GUCY2C: variants seen among roughly 807,000 people sequenced by gnomAD.
GUCY2C encodes the protein guanylyl cyclase C.
A neutral mutation model predicts 131.1 loss-of-function variants in GUCY2C; 118 were observed. The ratio of observed to expected loss-of-function variants is 0.90; its 90% CI spans 0.78 to 1.05. The LOEUF is 1.05. Among genes scored for constraint, GUCY2C ranks in the 50% least tolerant of loss-of-function variants. The pLI, the probability that GUCY2C is intolerant of heterozygous loss-of-function variation, is 0.00. For synonymous variants in GUCY2C, 452 were observed against 457.8 expected, an observed-to-expected ratio of 0.99 and a Z score of 0.16; for missense variants, 1,161 against 1,304.4, an observed-to-expected ratio of 0.89 and a Z score of 1.69.
At chr12:14,614,971 CGGAGTCCAA>C in intron 25 of GUCY2C, 28 bp from the exon 26 acceptor site, 1 of 1,336,474 alleles carries the variant, frequency 7.5e-7, no homozygotes, top group Non-Finnish European at 1.0e-6. Flanking sequence ...TTACGTACCA[CGGAGTCCAA>C]GGAGTCAGTT....
chr12:14,615,815 A>C (rs1382446502), intron 25 of GUCY2C, among the ~76,000 whole-genome samples: 3 of 152,048 alleles, frequency 2.0e-5, no homozygotes, highest in African/African-American at 7.2e-5. Context: ...CTTTTACGTA[A>C]AAGGAGACTT....
At chr12:14,619,828 A>G (rs1172139313) in intron 23 of GUCY2C, 2 of 152,892 alleles carry the variant, frequency 1.3e-5, no homozygotes, top group Admixed American at 1.3e-4. Flanking sequence ...GACCAGGCGA[A>G]TGCAGCTGGA....
At position 14,628,753 on chromosome 12, in the gene GUCY2C, A is replaced by AG. The variant is rs1555158578; in HGVS notation, c.2158-17_2158-16insC. ...GTAGGTACACCTGGAAGAAAAAAAA[A>AG]CGGGCAAATTAGCTAAGGGGATAGT... On this transcript the variant is annotated splice_polypyrimidine_tract_variant and intron_variant, in intron 19 of 26. Coordinates refer to ENST00000261170, the MANE Select transcript of GUCY2C (RefSeq NM_004963.4). 3.7e-6 allele frequency: 5 copies of AG among 1,354,398 alleles called. No individual in the cohort carries two copies. The South Asian group carries it at 5.9e-5, about 16-fold the overall frequency. The allele number at this position is 1,354,398 out of a possible 1,614,324, so 83.9% of individuals were successfully genotyped here. A position where few individuals can be genotyped will look rare whatever the true frequency, so the allele number is the denominator to read the frequency against.
chr12:14,659,431 T>C (rs1378463317), intron 11 of GUCY2C, among the ~76,000 whole-genome samples: 1 of 152,238 alleles, frequency 6.6e-6, no homozygotes, highest in Admixed American at 6.5e-5. Context: ...TGATATTCTT[T>C]TCTATTGACC....
At chr12:14,674,860 G>A (rs1214818502) in intron 7 of GUCY2C, 100 bp from the exon 8 acceptor site, 2 of 873,246 alleles carry the variant, frequency 2.3e-6, no homozygotes, top group Non-Finnish European at 3.6e-6. Context: ...TTACTGGAAA[G>A]TTAAAGGGAT....
chr12:14,668,057 G>C (rs2137065329), intron 10 of GUCY2C, among the ~76,000 whole-genome samples: 1 of 138,218 alleles, frequency 7.2e-6, no homozygotes, highest in African/African-American at 2.7e-5. Context: ...AGGCTGGAGT[G>C]CAGTGGCACA....
At chr12:14,669,198 T>A (rs748839634) in intron 10 of GUCY2C, among the ~76,000 whole-genome samples, 11 of 149,748 alleles carry the variant, frequency 7.3e-5, no homozygotes, top group Non-Finnish European at 1.6e-4. Flanking sequence ...TTCTTTCCTT[T>A]TTTTTCTTTT....
At chr12:14,651,827 C>CA (rs1947665325) in intron 14 of GUCY2C, 132 bp downstream of exon 14, 3 of 594,972 alleles carry the variant, frequency 5.0e-6, no homozygotes, top group Non-Finnish European at 6.0e-6. Flanking sequence ...GTAGAATTTT[C>CA]AACAAGAAAT....
chr12:14,670,740 A>G (rs1290743426), intron 9 of GUCY2C, among the ~76,000 whole-genome samples: 1 of 151,706 alleles, frequency 6.6e-6, no homozygotes, highest in Non-Finnish European at 1.5e-5. Flanking sequence ...ACCATGTAAG[A>G]TGTGCCTTTC....
At chr12:14,681,117 T>C (rs773287764) in intron 5 of GUCY2C, among the ~76,000 whole-genome samples, 12 of 152,132 alleles carry the variant, frequency 7.9e-5, no homozygotes, top group Non-Finnish European at 1.6e-4. Flanking sequence ...TTATCGTTAT[T>C]ATGTTAATAT....
intron 12 of GUCY2C, among the ~76,000 whole-genome samples, chr12:14,655,130 G>A (rs1176979829): frequency 6.6e-6 from 1 of 152,168 alleles, no homozygotes; most frequent in Non-Finnish European, 1.5e-5. Context: ...GGAGCTTTCT[G>A]AACCTCTTTT....
At position 14,685,798 on chromosome 12, in the gene GUCY2C, G is replaced by A. The variant is rs372173511; in HGVS notation, c.395+363C>T. Among the ~76,000 whole-genome samples, 11 of 152,238 alleles carry A rather than the reference G, an allele frequency of 7.2e-5. No individual in the cohort carries two copies. In the East Asian group the frequency reaches 1.9e-3, roughly 27 times the overall value. On this transcript the variant is annotated intron_variant, in intron 3 of 26. Transcript: ENST00000261170. ...CAGAACCCTACTAGTACCCTGGGGT[G>A]TTGCACTTTCTTTTGTGTTTCCCAA...
At chr12:14,676,751 G>T in intron 7 of GUCY2C, 103 bp downstream of exon 7, 1 of 312,980 alleles carries the variant, frequency 3.2e-6, no homozygotes. Flanking sequence ...AAAAATAATT[G>T]CTCATTTTAG....
chr12:14,677,780 A>C (rs1423309024), intron 6 of GUCY2C, among the ~76,000 whole-genome samples: 1 of 143,692 alleles, frequency 7.0e-6, no homozygotes, highest in African/African-American at 2.6e-5. Context: ...GGTTTTCAGC[A>C]TGTTGGCCAG....
Position 14,643,565 on chromosome 12 carries a change from A to G in GUCY2C, c.1930+9T>C. The G allele has an allele frequency of 1.9e-6, 3 of 1,613,470 alleles. No homozygotes were observed. The highest frequency in any genetic ancestry group is 1.7e-4 in the Middle Eastern group (1 of 6,054). On this transcript the variant is annotated intron_variant, in intron 17 of 26. Coordinates refer to ENST00000261170, the MANE Select transcript of GUCY2C (RefSeq NM_004963.4). ...TAGGAAACTAGTGAACATTTCATTC[A>G]TTACAGACCCTTTTTTGGAGGTAAA...
chr12:14,652,494 C>T (rs1217182578), intron 13 of GUCY2C, among the ~76,000 whole-genome samples: 2 of 152,102 alleles, frequency 1.3e-5, no homozygotes, highest in African/African-American at 4.8e-5. Context: ...GTTTATATCC[C>T]TGGTGCCTAG....
At chr12:14,655,745 C>T (rs994839354) in intron 12 of GUCY2C, among the ~76,000 whole-genome samples, 26 of 152,262 alleles carry the variant, frequency 1.7e-4, no homozygotes, top group African/African-American at 6.3e-4. Context: ...GTTACAATCT[C>T]TGGCTTTACA....
chr12:14,625,500 T>A (rs12815091), intron 21 of GUCY2C, among the ~76,000 whole-genome samples: 3 of 151,862 alleles, frequency 2.0e-5, no homozygotes, highest in South Asian at 2.1e-4. Flanking sequence ...GCTAATTTTT[T>A]TTATTATTAT....
chr12:14,682,956 G>T (rs908867610), intron 4 of GUCY2C, 86 bp downstream of exon 4: 2 of 820,402 alleles, frequency 2.4e-6, no homozygotes, highest in Non-Finnish European at 4.1e-6. Flanking sequence ...AGTGGAAGGT[G>T]CATCTGGTAA....
Sources: gnomAD v4.1 joint callset for allele counts (sites outside exome capture counted in the v4.1 genomes callset) on GRCh38, gnomAD v4.1.1 for gene constraint, MANE v1.5 for transcripts, NCBI Gene and HGNC (gene_info 2026-07-23, HGNC 2026-07-21) for gene names.